The following SOS2 variants were observed in gnomAD, a reference collection of about 807,000 sequenced individuals.
SOS2 encodes the protein son of sevenless homolog 2.
Under a neutral mutation model 148.2 loss-of-function variants are expected in SOS2, and 65 were observed. The observed-to-expected ratio is 0.44, with a 90% CI of 0.36 to 0.54. The LOEUF (loss-of-function observed/expected upper bound fraction) is 0.54. Among genes scored for constraint, SOS2 ranks in the 20% least tolerant of loss-of-function variants. The probability of loss-of-function intolerance (pLI) is 0.00; values close to 1 mark genes in which losing one functional copy is unlikely to be tolerated. For missense variants in SOS2, 1,341 were observed against 1,590.2 expected, an observed-to-expected ratio of 0.84 and a Z score of 2.67; for synonymous variants, 539 against 537.1, an observed-to-expected ratio of 1.00 and a Z score of -0.05.
intron 11 of SOS2, among the ~76,000 whole-genome samples, chr14:50,157,450 A>G (rs891141818): frequency 6.6e-6 from 1 of 152,190 alleles, no homozygotes; most frequent in Admixed American, 6.5e-5. Context: ...TATTTATATT[A>G]TTAAAATGAA....
At chr14:50,144,953 T>C (rs1269580064) in intron 16 of SOS2, among the ~76,000 whole-genome samples, 2 of 152,076 alleles carry the variant, frequency 1.3e-5, no homozygotes, top group African/African-American at 2.4e-5. Context: ...TGAATATTGA[T>C]ATATTTTCTA....
chr14:50,177,008 G>GCAAA (rs1279491469), intron 7 of SOS2, among the ~76,000 whole-genome samples: 4 of 151,822 alleles, frequency 2.6e-5, no homozygotes, highest in Admixed American at 2.6e-4. Context: ...AGATTCCGCC[G>GCAAA]CAAACAAACA....
At chr14:50,228,306 A>G (rs963664772) in intron 1 of SOS2, among the ~76,000 whole-genome samples, 4 of 152,086 alleles carry the variant, frequency 2.6e-5, no homozygotes, top group African/African-American at 4.8e-5. Flanking sequence ...AGCCTCCCAG[A>G]GTGCTGGATT....
In SOS2 at chr14:50,182,472, A is replaced by G. The variant is rs1433860683; in HGVS notation, c.849T>C (p.Asp283=). Residue 283 remains aspartate, a synonymous_variant, in exon 6 of 23, where the codon GAT becomes GAC. Transcript: ENST00000216373. The part of the protein sequence containing the change: ...PHPLAGSCFE[D]LAEEQAFDPY... Reference sequence around the variant, plus strand: ...AGTTTTGTAAACTTACTTCTGCCAAATCTTCAAAACAGCTGCCAGCTAAGG... The same window carrying G: ...AGTTTTGTAAACTTACTTCTGCCAAGTCTTCAAAACAGCTGCCAGCTAAGG... 2 of 1,613,888 alleles carry G rather than the reference A, an allele frequency of 1.2e-6. No homozygotes were observed. Among genetic ancestry groups the G allele is most frequent in the Non-Finnish European group, 8.5e-7 (1 of 1,179,948 alleles).
chr14:50,179,032 G>A (rs915824720), intron 7 of SOS2, among the ~76,000 whole-genome samples: 3 of 151,932 alleles, frequency 2.0e-5, no homozygotes, highest in African/African-American at 2.4e-5. Context: ...GAGACATCAC[G>A]CCCAGCCTTC....
At chr14:50,174,090 C>T (rs1447505600) in intron 8 of SOS2, among the ~76,000 whole-genome samples, 2 of 152,138 alleles carry the variant, frequency 1.3e-5, no homozygotes, top group Non-Finnish European at 2.9e-5. Context: ...ACTTTTGCCA[C>T]CAATTAATCA....
intron 12 of SOS2, among the ~76,000 whole-genome samples, chr14:50,153,719 T>A (rs1456599254): frequency 2.0e-5 from 3 of 152,188 alleles, no homozygotes; most frequent in Non-Finnish European, 2.9e-5. Flanking sequence ...TTCAAGTGAC[T>A]CTCCTACTTC....
chr14:50,120,895 AC>A (rs1350119090), intron 21 of SOS2, among the ~76,000 whole-genome samples: 4 of 151,310 alleles, frequency 2.6e-5, no homozygotes, highest in Non-Finnish European at 5.9e-5. Flanking sequence ...ACCCACTACC[AC>A]CCCCAGCTAA....
At chr14:50,208,171 C>T (rs572540730) in intron 1 of SOS2, among the ~76,000 whole-genome samples, 21 of 152,142 alleles carry the variant, frequency 1.4e-4, no homozygotes, top group South Asian at 2.1e-4. Context: ...GTAGAAGGCG[C>T]GTGTAGTCCC....
intron 5 of SOS2, among the ~76,000 whole-genome samples, chr14:50,185,260 CA>C (rs1441584112): frequency 1.3e-5 from 2 of 152,084 alleles, no homozygotes; most frequent in African/African-American, 4.8e-5. Flanking sequence ...TGAGATCTGA[CA>C]CTATTTAGAG....
chr14:50,126,791 C>G (rs372971703), intron 21 of SOS2, among the ~76,000 whole-genome samples: 1 of 147,790 alleles, frequency 6.8e-6, no homozygotes, highest in Non-Finnish European at 1.5e-5. Context: ...AGGAGCTCCA[C>G]AAAAGGAGTC....
At chr14:50,213,831 A>G (rs977147004) in intron 1 of SOS2, among the ~76,000 whole-genome samples, 2 of 151,652 alleles carry the variant, frequency 1.3e-5, no homozygotes, top group African/African-American at 4.8e-5. Flanking sequence ...ATATTAAAGA[A>G]TATTAAATCC....
At chr14:50,198,103 T>C (rs953965950) in intron 4 of SOS2, among the ~76,000 whole-genome samples, 1 of 151,662 alleles carries the variant, frequency 6.6e-6, no homozygotes, top group Non-Finnish European at 1.5e-5. Context: ...CTGGAATGAA[T>C]GATTTTGGTA....
At chr14:50,169,483 T>C (rs1309957944) in intron 8 of SOS2, among the ~76,000 whole-genome samples, 3 of 150,658 alleles carry the variant, frequency 2.0e-5, no homozygotes, top group African/African-American at 4.9e-5. Flanking sequence ...TAAAAAAAAA[T>C]AGAAAAATCA....
intron 3 of SOS2, among the ~76,000 whole-genome samples, chr14:50,200,410 A>T (rs1886450855): frequency 6.6e-6 from 1 of 152,192 alleles, no homozygotes; most frequent in South Asian, 2.1e-4. Context: ...ATAATCTGTG[A>T]TAATATAAAT....
At chr14:50,143,235 C>T (rs573694910) in intron 16 of SOS2, among the ~76,000 whole-genome samples, 13 of 150,546 alleles carry the variant, frequency 8.6e-5, no homozygotes, top group African/African-American at 2.7e-4. Context: ...TGGGACAGGA[C>T]GATCCCTTGA....
chr14:50,184,985 C>T (rs1051476006), intron 5 of SOS2, among the ~76,000 whole-genome samples: 1 of 152,044 alleles, frequency 6.6e-6, no homozygotes, highest in Non-Finnish European at 1.5e-5. Context: ...GGTGGCTTGC[C>T]CAGAGAGGGC....
At chr14:50,157,252 G>T in intron 11 of SOS2, 131 bp from the exon 12 acceptor site, 1 of 932,832 alleles carries the variant, frequency 1.1e-6, no homozygotes, top group Non-Finnish European at 1.5e-6. Context: ...CTTGAGGTAT[G>T]ATATACTACA....
intron 16 of SOS2, among the ~76,000 whole-genome samples, chr14:50,141,539 AAAT>A (rs1884286210): frequency 6.6e-6 from 1 of 152,098 alleles, no homozygotes; most frequent in African/African-American, 2.4e-5. Context: ...ACTGAAAACA[AAAT>A]AATTCTAATA....
Sources: allele counts gnomAD v4.1 joint callset (sites outside exome capture counted in the v4.1 genomes callset), GRCh38; gene constraint gnomAD v4.1.1; transcripts MANE v1.5; gene names NCBI Gene and HGNC (gene_info 2026-07-23, HGNC 2026-07-21).